The following UBXN2A variants were observed in gnomAD, a reference collection of about 807,000 sequenced individuals.
UBXN2A encodes the protein UBX domain-containing protein 2A.
A neutral mutation model predicts 28.4 loss-of-function variants in UBXN2A; 28 were observed. The ratio of observed to expected loss-of-function variants is 0.99; its 90% CI spans 0.73 to 1.35. The LOEUF (loss-of-function observed/expected upper bound fraction) is 1.35, where lower values mean the gene tolerates loss of function less well. UBXN2A is among the 40% of genes most tolerant of loss of function. The pLI is 0.00. For synonymous variants in UBXN2A, 97 were observed against 103.6 expected (o/e 0.94, Z 0.39); for missense variants, 253 against 297.9 (o/e 0.85, Z 1.11).
chr2:23,994,465 ATTCTT>A (rs919726018), intron 6 of UBXN2A, among the ~76,000 whole-genome samples: 4 of 152,048 alleles, frequency 2.6e-5, no homozygotes, highest in Non-Finnish European at 4.4e-5. Context: ...TGTATCTTAT[ATTCTT>A]TTCTAATTTT....
intron 2 of UBXN2A, among the ~76,000 whole-genome samples, chr2:23,966,110 A>G (rs1432580639): frequency 6.6e-6 from 1 of 151,992 alleles, no homozygotes; most frequent in Non-Finnish European, 1.5e-5. Flanking sequence ...CAGTTTTCTG[A>G]ACTGTACCTT....
intron 1 of UBXN2A, among the ~76,000 whole-genome samples, chr2:23,941,795 C>G (rs947453316): frequency 5.9e-5 from 9 of 152,092 alleles, no homozygotes; most frequent in Non-Finnish European, 1.0e-4. Context: ...AATCAGGGCC[C>G]GGAGCGATGG....
rs1708734840 is a variant in UBXN2A at position 24,002,102 on chromosome 2, C to T, written c.*2235C>T. On this transcript the variant is annotated 3_prime_UTR_variant, in exon 7 of 7. Coordinates refer to ENST00000309033, the MANE Select transcript of UBXN2A (RefSeq NM_181713.4). ...GACCAGCCTGGGCAACAAGGCAAAA[C>T]TCTATCTATAAAAATTACAAAAATT... 6.6e-6 allele frequency: 1 copy of T among 152,102 alleles called. No individual in the cohort carries two copies. Among genetic ancestry groups the T allele is most frequent in the South Asian group, 2.1e-4 (1 of 4,826 alleles). 9.4% of individuals were successfully genotyped at this position (152,102 alleles called of 1,614,324 possible).
chr2:23,975,741 C>A (rs561920234), intron 3 of UBXN2A, among the ~76,000 whole-genome samples: 1 of 152,054 alleles, frequency 6.6e-6, no homozygotes, highest in Non-Finnish European at 1.5e-5. Flanking sequence ...TGGGTTCAAG[C>A]GATTCTCCTA....
chr2:23,984,148 T>G (rs1158748338), intron 5 of UBXN2A, among the ~76,000 whole-genome samples: 1 of 152,234 alleles, frequency 6.6e-6, no homozygotes, highest in Non-Finnish European at 1.5e-5. Flanking sequence ...TATATAGATA[T>G]GAGAGCTCTT....
intron 2 of UBXN2A, among the ~76,000 whole-genome samples, chr2:23,959,489 C>T (rs1338744261): frequency 6.6e-6 from 1 of 151,796 alleles, no homozygotes; most frequent in Non-Finnish European, 1.5e-5. Flanking sequence ...AAGACTCCTC[C>T]GTCTCAAAAA....
intron 2 of UBXN2A, among the ~76,000 whole-genome samples, chr2:23,959,192 T>C (rs1706785639): frequency 6.6e-6 from 1 of 152,128 alleles, no homozygotes; most frequent in South Asian, 2.1e-4. Flanking sequence ...ATGCTAATTA[T>C]ATAATTGTGA....
intron 4 of UBXN2A, among the ~76,000 whole-genome samples, chr2:23,978,007 T>A (rs1334576364): frequency 6.6e-6 from 1 of 152,008 alleles, no homozygotes; most frequent in Non-Finnish European, 1.5e-5. Context: ...AATTTTTGTA[T>A]TTTTTAATAA....
At chr2:23,971,802 G>A (rs1231829110) in intron 3 of UBXN2A, among the ~76,000 whole-genome samples, 1 of 151,820 alleles carries the variant, frequency 6.6e-6, no homozygotes, top group African/African-American at 2.4e-5. Context: ...AATAGATATT[G>A]TTTCCCTTTT....
At chr2:23,959,767 A>G (rs1706810878) in intron 2 of UBXN2A, among the ~76,000 whole-genome samples, 1 of 152,196 alleles carries the variant, frequency 6.6e-6, no homozygotes, top group Non-Finnish European at 1.5e-5. Flanking sequence ...TGACAAATTC[A>G]TGTGAAGTAT....
chr2:23,962,242 A>G (rs1316593110), intron 2 of UBXN2A, among the ~76,000 whole-genome samples: 1 of 152,212 alleles, frequency 6.6e-6, no homozygotes, highest in African/African-American at 2.4e-5. Flanking sequence ...ACAGATGCAA[A>G]TCTTTCACCC....
In UBXN2A at chr2:23,966,546, A is replaced by G. The variant is rs1209510668; in HGVS notation, c.42-4730A>G. On this transcript the variant is annotated intron_variant, in intron 2 of 6. Transcript: ENST00000309033. ...CAGCTCACTGCAAGCTCTGCCTCCC[A>G]GGTTCACGCCATTCTTCTGCCTCAG... Among the ~76,000 whole-genome samples the G allele has an allele frequency of 5.5e-5, 8 of 144,918 alleles. No homozygotes were observed. In the East Asian group the frequency reaches 6.1e-4, roughly 11 times the overall value.
In UBXN2A at chr2:23,961,563, T is replaced by TG. The variant is rs1553306469; in HGVS notation, c.41+3210dup. On this transcript the variant is annotated intron_variant, in intron 2 of 6. Coordinates refer to ENST00000309033, the MANE Select transcript of UBXN2A (RefSeq NM_181713.4). ...CCTTTTTTTTTTTTTTTTTTTTTTT[T>TG]GGTGAGATGAAGTCTTGCTCTGTCA... Among the ~76,000 whole-genome samples, 394 of 120,532 alleles carry TG rather than the reference T, an allele frequency of 3.3e-3. 9 individuals are homozygous for TG. The highest frequency in any genetic ancestry group is 0.014 in the Middle Eastern group (3 of 208). 79.1% of individuals were successfully genotyped at this position (120,532 alleles called of 152,430 possible). A position where few individuals can be genotyped will look rare whatever the true frequency, so the allele number is the denominator to read the frequency against.
At chr2:23,984,558 C>T in intron 5 of UBXN2A, 115 bp from the exon 6 acceptor site, 1 of 896,826 alleles carries the variant, frequency 1.1e-6, no homozygotes, top group Non-Finnish European at 1.5e-6. Flanking sequence ...ACACATATAA[C>T]TTAAAAAATC....
chr2:23,966,673 G>C (rs576316452), intron 2 of UBXN2A, among the ~76,000 whole-genome samples: 6 of 147,386 alleles, frequency 4.1e-5, no homozygotes, highest in East Asian at 2.0e-4. Context: ...GGATGGTCTC[G>C]ATCTCCTGAC....
At chr2:23,953,988 T>C (rs1378385540) in intron 1 of UBXN2A, among the ~76,000 whole-genome samples, 1 of 152,178 alleles carries the variant, frequency 6.6e-6, no homozygotes, top group Non-Finnish European at 1.5e-5. Context: ...GCATTAGCAG[T>C]TGCAAATTGG....
intron 4 of UBXN2A, among the ~76,000 whole-genome samples, chr2:23,981,475 C>CT (rs1707897364): frequency 4.0e-5 from 1 of 24,858 alleles, no homozygotes; most frequent in African/African-American, 1.7e-4. Flanking sequence ...GAGCTCCTAT[C>CT]TAAAAAAAAA....
intron 1 of UBXN2A, among the ~76,000 whole-genome samples, chr2:23,948,149 C>A (rs1162511092): frequency 6.6e-6 from 1 of 150,694 alleles, no homozygotes; most frequent in Non-Finnish European, 1.5e-5. Flanking sequence ...GCAACTGTGC[C>A]GGGCTTTTAA....
intron 2 of UBXN2A, among the ~76,000 whole-genome samples, chr2:23,958,748 C>T (rs1706761739): frequency 6.6e-6 from 1 of 152,134 alleles, no homozygotes; most frequent in Non-Finnish European, 1.5e-5. Flanking sequence ...GGCCTTTGGG[C>T]AGCTTAGGTA....
Sources: allele counts gnomAD v4.1 joint callset (sites outside exome capture counted in the v4.1 genomes callset), GRCh38; gene constraint gnomAD v4.1.1; transcripts MANE v1.5; gene names NCBI Gene and HGNC (gene_info 2026-07-23, HGNC 2026-07-21).